Variants in MAX observed in about 807,000 individuals in gnomAD.
MAX encodes the protein protein max.
A neutral mutation model predicts 22.3 loss-of-function variants in MAX; 3 were observed. The ratio of observed to expected loss-of-function variants is 0.13; its 90% CI spans 0.06 to 0.35. MAX has a LOEUF of 0.35. Among genes scored for constraint, MAX ranks in the 10% least tolerant of loss-of-function variants. MAX has a pLI of 1.00. For missense variants in MAX, 119 were observed against 209.4 expected, an observed-to-expected ratio of 0.57 and a Z score of 2.66; for synonymous variants, 72 against 77.7, an observed-to-expected ratio of 0.93 and a Z score of 0.39.
In MAX at chr14:65,087,953, T is replaced by G. The variant is rs145228180; in HGVS notation, c.171+5755A>C. Among the ~76,000 whole-genome samples the G allele has an allele frequency of 5.8e-3, 881 of 152,282 alleles. 8 individuals carry two copies. Among genetic ancestry groups the G allele is most frequent in the African/African-American group, 0.02 (828 of 41,568 alleles). The stretch of plus-strand genomic sequence containing the variant: ...GGTCTTTCCCATGCTGTTCTCGTGA[T>G]AGTGAATAAGTCTTGCAAGATCTGA... On this transcript the variant is annotated intron_variant, in intron 3 of 4. Transcript: ENST00000358664.
At chr14:65,006,610 G>C (rs1162074223) in intron 3 of MAX, among the ~76,000 whole-genome samples, 1 of 152,186 alleles carries the variant, frequency 6.6e-6, no homozygotes, top group Non-Finnish European at 1.5e-5. Flanking sequence ...TGTTGTGGTT[G>C]TACCCCCGAT....
Position 65,093,542 on chromosome 14 carries a change from G to A in MAX, c.171+166C>T. ...CATATTTTGTTAAGGATAAACTGGAGTACGTAAGGTGTGCAGTGATCCTCC... is the reference window on the plus strand; with the variant it reads ...CATATTTTGTTAAGGATAAACTGGAATACGTAAGGTGTGCAGTGATCCTCC... On this transcript the variant is annotated intron_variant, in intron 3 of 4. Coordinates refer to ENST00000358664, the MANE Select transcript of MAX (RefSeq NM_002382.5). The surrounding 1 kb of genome is among the most constrained non-coding windows in gnomAD (Gnocchi z 4.4). 1 of 662,186 alleles carries A rather than the reference G, an allele frequency of 1.5e-6. No individual in the cohort carries two copies. The highest frequency in any genetic ancestry group is 1.6e-5 in the South Asian group (1 of 61,748). The allele number at this position is 662,186 out of a possible 1,614,324, so 41.0% of individuals were successfully genotyped here.
chr14:65,063,175 A>T (rs2062895278), intron 3 of MAX, among the ~76,000 whole-genome samples: 2 of 152,226 alleles, frequency 1.3e-5, no homozygotes, highest in South Asian at 2.1e-4. Flanking sequence ...AATCCATGTA[A>T]ATAAGCCAAA....
Position 65,054,769 on chromosome 14 carries a change from C to T in MAX, c.171+38939G>A. 1 of 1,435,736 alleles carries T rather than the reference C, an allele frequency of 7.0e-7. No homozygotes were observed. Among genetic ancestry groups the T allele is most frequent in the East Asian group, 2.5e-5 (1 of 40,148 alleles). 88.9% of individuals were successfully genotyped at this position (1,435,736 alleles called of 1,614,324 possible). ...AGGCTTTCCAAGTAAGCAGAACTGG[C>T]TCTGCATTTCCTGTGTGGACAGGCG... On this transcript the variant is annotated intron_variant, in intron 3 of 3. Transcript: ENST00000341653. The surrounding 1 kb of genome is among the most constrained non-coding windows in gnomAD (Gnocchi z 4.4).
chr14:65,027,812 C>T lies in MAX; in HGVS notation c.172-21528G>A, dbSNP rs1410936246. The T allele has an allele frequency of 3.1e-6, 5 of 1,613,476 alleles. No individual in the cohort carries two copies. Among genetic ancestry groups the T allele is most frequent in the Non-Finnish European group, 1.7e-6 (2 of 1,179,814 alleles). ...TGGGGTTTTGCACAGGCTGCCACATCAGTTGACTCTAGAGCTCATCTGCCA... is the reference window on the plus strand; with the variant it reads ...TGGGGTTTTGCACAGGCTGCCACATTAGTTGACTCTAGAGCTCATCTGCCA... On this transcript the variant is annotated intron_variant, in intron 3 of 3. Coordinates refer to the MAX transcript ENST00000341653. This position sits in a 1 kb window ranked among gnomAD's most constrained non-coding sequence, Gnocchi z 5.7.
At chr14:65,017,433 G>T (rs2061797128) in intron 3 of MAX, among the ~76,000 whole-genome samples, 1 of 152,124 alleles carries the variant, frequency 6.6e-6, no homozygotes, top group Non-Finnish European at 1.5e-5. Flanking sequence ...TGAAAAACTG[G>T]AAGAGAGAAT....
At chr14:65,048,325 T>TA (rs59114641) in intron 3 of MAX, among the ~76,000 whole-genome samples, 30,047 of 144,960 alleles carry the variant, frequency 0.21, 3,228 homozygotes, top group East Asian at 0.35. Flanking sequence ...ACTGTGCCTT[T>TA]AAAAAAAAAA....
chr14:65,027,908 C>A lies in MAX; in HGVS notation c.172-21624G>T. Reference sequence around the variant, plus strand: ...TGTCCCAGAATGACACATGGGATGACATGTCAGTGACACGTCAGAATCATT... The same window carrying A: ...TGTCCCAGAATGACACATGGGATGAAATGTCAGTGACACGTCAGAATCATT... On this transcript the variant is annotated intron_variant, in intron 3 of 3. Coordinates refer to the MAX transcript ENST00000341653. The surrounding 1 kb of genome is among the most constrained non-coding windows in gnomAD (Gnocchi z 5.7). The A allele has an allele frequency of 1.6e-6, 2 of 1,215,858 alleles. No individual in the cohort carries two copies. Among genetic ancestry groups the A allele is most frequent in the Non-Finnish European group, 2.3e-6 (2 of 855,330 alleles). 75.3% of individuals were successfully genotyped at this position (1,215,858 alleles called of 1,614,324 possible).
In MAX at chr14:65,027,453, T is replaced by C. The variant is rs1393582460; in HGVS notation, c.172-21169A>G. 1 of 1,614,062 alleles carries C rather than the reference T, an allele frequency of 6.2e-7. No homozygotes were observed. Among genetic ancestry groups the C allele is most frequent in the Non-Finnish European group, 8.5e-7 (1 of 1,180,030 alleles). ...TTTTGCCCTTTGGCTGTGTACCTAG[T>C]GTGTGTCAGTTCCTGGAGCTGTGTC... On this transcript the variant is annotated intron_variant, in intron 3 of 3. Transcript: ENST00000341653. This position sits in a 1 kb window ranked among gnomAD's most constrained non-coding sequence, Gnocchi z 5.7.
At chr14:65,061,729 C>G (rs1051733384) in intron 3 of MAX, 3 of 172,590 alleles carry the variant, frequency 1.7e-5, no homozygotes, top group Admixed American at 1.7e-4. Flanking sequence ...TGGAATAAGT[C>G]TGCTTCATGC....
intron 3 of MAX, among the ~76,000 whole-genome samples, chr14:65,026,297 G>T (rs1385326672): frequency 1.3e-5 from 2 of 152,178 alleles, no homozygotes; most frequent in African/African-American, 4.8e-5. Flanking sequence ...TGATGATAGG[G>T]CTCTCTTGAT....
intron 3 of MAX, chr14:65,090,487 T>G (rs912557681): frequency 6.6e-6 from 1 of 152,192 alleles, no homozygotes; most frequent in Non-Finnish European, 1.5e-5. Context: ...TTACTGATTT[T>G]TTTCCTCAAG....
chr14:65,053,187 G>A, intron 3 of MAX: 1 of 1,294,130 alleles, frequency 7.7e-7, no homozygotes, highest in Non-Finnish European at 1.0e-6. Flanking sequence ...TTAGGTCATT[G>A]ATACTTGGCT....
At chr14:65,086,045 G>A (rs2063327419) in intron 3 of MAX, among the ~76,000 whole-genome samples, 1 of 152,174 alleles carries the variant, frequency 6.6e-6, no homozygotes, top group Non-Finnish European at 1.5e-5. Flanking sequence ...TAAATTTCGT[G>A]AGAGCTGATG....
At chr14:65,065,165 G>A (rs987501815) in intron 3 of MAX, among the ~76,000 whole-genome samples, 1 of 152,174 alleles carries the variant, frequency 6.6e-6, no homozygotes, top group African/African-American at 2.4e-5. Flanking sequence ...TCCTATTAGG[G>A]GATGGTAGAA....
chr14:65,032,577 A>T lies in MAX; in HGVS notation c.172-26293T>A. The T allele has an allele frequency of 6.2e-7, 1 of 1,609,582 alleles. No homozygotes were observed. Among genetic ancestry groups the T allele is most frequent in the Non-Finnish European group, 8.5e-7 (1 of 1,178,850 alleles). On this transcript the variant is annotated intron_variant, in intron 3 of 3. Transcript: ENST00000341653. This position sits in a 1 kb window ranked among gnomAD's most constrained non-coding sequence, Gnocchi z 5.0. Reference sequence around the variant, plus strand: ...CTGAGCCTCATTAGCTCTTCCGTAGAGCTTAATGTGTTTCCCGTTTCTGTC... The same window carrying T: ...CTGAGCCTCATTAGCTCTTCCGTAGTGCTTAATGTGTTTCCCGTTTCTGTC...
intron 3 of MAX, chr14:65,081,897 T>C (rs143159171): frequency 6.6e-6 from 1 of 152,250 alleles, no homozygotes; most frequent in Admixed American, 6.5e-5. Flanking sequence ...CAGGCCTCTC[T>C]CTCACCTCTG....
rs186242850 is a variant in MAX at position 65,067,447 on chromosome 14, C to T, written c.171+26261G>A. Among the ~76,000 whole-genome samples the T allele has an allele frequency of 1.1e-4, 16 of 152,288 alleles. 1 individual carries two copies. The East Asian group carries it at 3.1e-3, about 29-fold the overall frequency. On this transcript the variant is annotated intron_variant, in intron 3 of 3. Coordinates refer to the MAX transcript ENST00000341653. ...TCCCAAGATCCCACCCAGGACACTA[C>T]ATTACACTGAGCTGTCATGTCTCAT...
Position 65,012,986 on chromosome 14 carries a change from G to A in MAX, c.172-6702C>T, listed in dbSNP as rs978278912. ...GATCTTTAATATTTCCCAGAGCAAC[G>A]TCAGGACTGGGTGACGGTGGAGGGG... On this transcript the variant is annotated intron_variant, in intron 3 of 3. Coordinates refer to the MAX transcript ENST00000341653. The surrounding 1 kb of genome is among the most constrained non-coding windows in gnomAD (Gnocchi z 5.0). 2.0e-5 allele frequency among the ~76,000 whole-genome samples: 3 copies of A among 152,034 alleles called. No individual in the cohort carries two copies. The highest frequency in any genetic ancestry group is 1.9e-4 in the East Asian group (1 of 5,192).
Sources: gnomAD v4.1 joint callset for allele counts (sites outside exome capture counted in the v4.1 genomes callset) on GRCh38, gnomAD v4.1.1 for gene constraint, Gnocchi (gnomAD v3.1) non-coding constraint, MANE v1.5 for transcripts, NCBI Gene and HGNC (gene_info 2026-07-23, HGNC 2026-07-21) for gene names.